Variants in MICAL3 observed in about 807,000 individuals in gnomAD.
MICAL3 encodes the protein [F-actin]-monooxygenase MICAL3.
In MICAL3, 62 loss-of-function variants were observed where a neutral mutation model predicts 207.4. The observed-to-expected ratio is 0.30, with a 90% CI of 0.24 to 0.37. The LOEUF is 0.37. Among genes scored for constraint, MICAL3 ranks in the 10% least tolerant of loss-of-function variants. MICAL3 has a pLI of 1.00. For synonymous variants in MICAL3, 1,077 were observed against 1,069.3 expected (o/e 1.01, Z -0.14); for missense variants, 2,368 against 2,635.6 (o/e 0.90, Z 2.22).
chr22:17,816,171 T>C (rs1601957673), intron 27 of MICAL3, among the ~76,000 whole-genome samples: 1 of 152,298 alleles, frequency 6.6e-6, no homozygotes, highest in East Asian at 1.9e-4. Context: ...CTCTGGAAAG[T>C]GAGGGGCTGA....
intron 21 of MICAL3, 128 bp downstream of exon 21, chr22:17,831,726 G>A: frequency 7.0e-7 from 1 of 1,421,530 alleles, no homozygotes; most frequent in African/African-American, 1.4e-5. Context: ...ATGTCAGGAG[G>A]GGTGGTCCCT....
At chr22:18,022,765 G>A (rs1229289497) in intron 1 of MICAL3, among the ~76,000 whole-genome samples, 1 of 152,144 alleles carries the variant, frequency 6.6e-6, no homozygotes, top group African/African-American at 2.4e-5. Flanking sequence ...TCTCCTTGTA[G>A]TGAGTGGGTG....
At chr22:17,950,228 C>G (rs1308228393) in intron 1 of MICAL3, among the ~76,000 whole-genome samples, 2 of 150,276 alleles carry the variant, frequency 1.3e-5, no homozygotes, top group African/African-American at 5.0e-5. Context: ...GTGGCGCTAT[C>G]TTGGCTCACT....
intron 16 of MICAL3, among the ~76,000 whole-genome samples, chr22:17,877,445 G>GGTTATGGAGGTTAGGGAGGTTAGGGAA (rs1928873147): frequency 5.7e-5 from 6 of 104,900 alleles, no homozygotes; most frequent in Non-Finnish European, 9.6e-5. Flanking sequence ...AGGTGAGGGA[G>GGTTATGGAGGTTAGGGAGGTTAGGGAA]GTTATGGAGG....
At chr22:17,960,175 A>C (rs952364273) in intron 1 of MICAL3, among the ~76,000 whole-genome samples, 1 of 152,168 alleles carries the variant, frequency 6.6e-6, no homozygotes, top group Non-Finnish European at 1.5e-5. Flanking sequence ...GCTCACTCCC[A>C]TTCCTACAGT....
intron 1 of MICAL3, among the ~76,000 whole-genome samples, chr22:17,946,753 G>C (rs554869582): frequency 6.6e-6 from 1 of 152,226 alleles, no homozygotes; most frequent in Non-Finnish European, 1.5e-5. Context: ...CCCCTTCTCT[G>C]CTCCAAAGCC....
In MICAL3 at chr22:17,881,583, T is replaced by C. The variant is rs900316325; in HGVS notation, c.2241+4295A>G. Among the ~76,000 whole-genome samples the C allele has an allele frequency of 1.2e-4, 18 of 152,086 alleles. 1 individual carries two copies. Among genetic ancestry groups the C allele is most frequent in the African/African-American group, 4.1e-4 (17 of 41,408 alleles). Reference sequence around the variant, plus strand: ...GGGAGCAACAGTTTTCTCAGGGAAGTTGGGGATACAAGAAATAGGCTTGCT... The same window carrying C: ...GGGAGCAACAGTTTTCTCAGGGAAGCTGGGGATACAAGAAATAGGCTTGCT... On this transcript the variant is annotated intron_variant, in intron 16 of 31. Coordinates refer to ENST00000441493, the MANE Select transcript of MICAL3 (RefSeq NM_015241.3).
intron 1 of MICAL3, among the ~76,000 whole-genome samples, chr22:17,946,300 C>T (rs1380078195): frequency 6.6e-6 from 1 of 152,202 alleles, no homozygotes; most frequent in East Asian, 1.9e-4. Context: ...CAAAAGCTGC[C>T]TCATACCTTG....
At chr22:17,795,469 A>G (rs1301948145) in intron 29 of MICAL3, among the ~76,000 whole-genome samples, 1 of 152,238 alleles carries the variant, frequency 6.6e-6, no homozygotes, top group African/African-American at 2.4e-5. Flanking sequence ...TGCACGGGTA[A>G]TAATTACAAC....
At chr22:17,843,566 G>A (rs1924292768) in intron 19 of MICAL3, among the ~76,000 whole-genome samples, 3 of 152,198 alleles carry the variant, frequency 2.0e-5, no homozygotes, top group Admixed American at 6.5e-5. Context: ...TCCCAGAGCC[G>A]TCATGGACAC....
At chr22:17,997,169 T>A (rs1922385726) in intron 1 of MICAL3, among the ~76,000 whole-genome samples, 1 of 141,744 alleles carries the variant, frequency 7.1e-6, no homozygotes, top group South Asian at 2.5e-4. Flanking sequence ...GCGCAGGCAA[T>A]CCTCCCACCT....
chr22:17,909,456 C>T (rs542125966), intron 1 of MICAL3, among the ~76,000 whole-genome samples: 2 of 152,284 alleles, frequency 1.3e-5, no homozygotes, highest in East Asian at 1.9e-4. Context: ...ATTCGGGAGG[C>T]GGAGCTTGCA....
Position 17,817,332 on chromosome 22 carries a change from C to A in MICAL3, c.5329G>T (p.Val1777Leu), listed in dbSNP as rs200437633. 1 of 1,605,480 alleles carries A rather than the reference C, an allele frequency of 6.2e-7. No homozygotes were observed. The highest frequency in any genetic ancestry group is 8.5e-7 in the Non-Finnish European group (1 of 1,176,490). ...GCACCTGCCCTTACGACGGGAAGCACCCTGTGCTTTCCAGAGTCCACCGTG... is the reference window on the plus strand; with the variant it reads ...GCACCTGCCCTTACGACGGGAAGCAACCTGTGCTTTCCAGAGTCCACCGTG... ...GATVDSGKHR[V>L]LPVVRAELQL... is the part of the protein sequence containing the mutation. Residue 1777 changes from valine (V) to leucine (L), a missense_variant, in exon 26 of 32, where the codon GTG (valine) becomes TTG (leucine). Transcript: ENST00000441493.
At chr22:17,961,701 G>A (rs1934920462) in intron 1 of MICAL3, among the ~76,000 whole-genome samples, 1 of 152,210 alleles carries the variant, frequency 6.6e-6, no homozygotes, top group Non-Finnish European at 1.5e-5. Flanking sequence ...CAGACTTGGG[G>A]TGTGGGTGGG....
intron 19 of MICAL3, chr22:17,861,498 T>C (rs545774851): frequency 1.0e-6 from 1 of 985,466 alleles, no homozygotes; most frequent in African/African-American, 1.7e-5. Flanking sequence ...CCCTACTTCA[T>C]TTTTGGTCAT....
intron 1 of MICAL3, among the ~76,000 whole-genome samples, chr22:17,979,311 G>A (rs933136789): frequency 2.6e-5 from 4 of 151,804 alleles, no homozygotes; most frequent in Admixed American, 1.3e-4. Context: ...TTGGGAGGCC[G>A]AGGCGAGCGG....
chr22:17,909,007 C>T (rs1226231762), intron 1 of MICAL3, among the ~76,000 whole-genome samples: 2 of 152,186 alleles, frequency 1.3e-5, no homozygotes, highest in African/African-American at 2.4e-5. Flanking sequence ...ACCATGGTAT[C>T]ACAGGATTAA....
intron 17 of MICAL3, among the ~76,000 whole-genome samples, chr22:17,867,497 C>T (rs1330346632): frequency 6.6e-6 from 1 of 152,220 alleles, no homozygotes; most frequent in Non-Finnish European, 1.5e-5. Context: ...TTGTTTTGGT[C>T]TGTTTTGTAT....
chr22:17,877,212 GTTA>G (rs1928724279), intron 16 of MICAL3, among the ~76,000 whole-genome samples: 6 of 108,462 alleles, frequency 5.5e-5, no homozygotes, highest in Admixed American at 1.0e-4. Context: ...GGTTATGGAG[GTTA>G]TGGAGGTTAG....
Sources: allele counts gnomAD v4.1 joint callset (sites outside exome capture counted in the v4.1 genomes callset), GRCh38; gene constraint gnomAD v4.1.1; transcripts MANE v1.5; gene names NCBI Gene and HGNC (gene_info 2026-07-23, HGNC 2026-07-21).